Variants in PRKCG observed in about 807,000 individuals in gnomAD.
PRKCG encodes the protein protein kinase C gamma.
A neutral mutation model predicts 82.0 loss-of-function variants in PRKCG; 28 were observed. That is an observed-to-expected ratio of 0.34 (90% CI 0.25 to 0.47). The LOEUF (loss-of-function observed/expected upper bound fraction) is 0.47, where lower values mean the gene tolerates loss of function less well. Among genes scored for constraint, PRKCG ranks in the 20% least tolerant of loss-of-function variants. PRKCG has a pLI of 1.00. For missense variants in PRKCG, 640 were observed against 952.7 expected (o/e 0.67, Z 4.32); for synonymous variants, 383 against 376.6 (o/e 1.02, Z -0.20).
Position 53,907,441 on chromosome 19 carries a change from C to T in PRKCG, c.*546C>T, listed in dbSNP as rs1245593327. ...GGAGGATTCTTTCCCCAGAGGCTCC[C>T]AATCAGCTTTTGTTCTAGACTTCCC... On this transcript the variant is annotated 3_prime_UTR_variant, in exon 18 of 18. Transcript: ENST00000263431. 1.2e-5 allele frequency: 2 copies of T among 168,500 alleles called. No homozygotes were observed. The highest frequency in any genetic ancestry group is 4.8e-5 in the African/African-American group (2 of 41,702). 10.4% of individuals were successfully genotyped at this position (168,500 alleles called of 1,614,324 possible).
chr19:53,893,514 T>A, intron 9 of PRKCG, 123 bp downstream of exon 9: 1 of 1,073,444 alleles, frequency 9.3e-7, no homozygotes, highest in Non-Finnish European at 1.4e-6. Flanking sequence ...GTGCTAGGCC[T>A]GTCTTGTGCT....
rs2068756566 is a variant in PRKCG, at chr19:53,900,617, G to A, written c.1443G>A (p.Leu481=). 1 of 1,614,126 alleles carries A rather than the reference G, an allele frequency of 6.2e-7. No homozygotes were observed. The highest frequency in any genetic ancestry group is 8.5e-7 in the Non-Finnish European group (1 of 1,180,052). ...ACACCCCTGCATCGTCCAGGGACCT[G>A]AAGCTGGACAATGTGATGCTGGATG... ...LHNQGIIYRD[L]KLDNVMLDAE... Residue 481 remains leucine, a synonymous_variant, in exon 14 of 18, where the codon CTG becomes CTA. Coordinates refer to ENST00000263431, the MANE Select transcript of PRKCG (RefSeq NM_002739.5). This position sits in a 1 kb window ranked among gnomAD's most constrained non-coding sequence, Gnocchi z 4.2.
intron 3 of PRKCG, among the ~76,000 whole-genome samples, chr19:53,888,696 G>C (rs2068649555): frequency 1.3e-5 from 2 of 152,062 alleles, no homozygotes; most frequent in African/African-American, 4.8e-5. Flanking sequence ...TAGGCCTCCT[G>C]GGTTCCTATT....
At position 53,906,372 on chromosome 19, in the gene PRKCG, C is replaced by A; in HGVS notation, c.1820C>A (p.Thr607Asn). 6.4e-7 allele frequency: 1 copy of A among 1,556,674 alleles called. No individual in the cohort carries two copies. The highest frequency in any genetic ancestry group is 8.7e-7 in the Non-Finnish European group (1 of 1,149,526). The part of the protein sequence containing the change: ...RLGSGPDGEP[T>N]IRAHGFFRWI... ...GGCTCAGGGCCTGATGGGGAACCTA[C>A]CATCCGTGCACATGGCTTTTTCCGC... The change falls in exon 17 of 18, where the codon ACC becomes AAC. Residue 607 changes from threonine to asparagine, a missense_variant. This residue lies in a region of PRKCG where 198 missense variants were observed against 273.4 expected (regional missense o/e 0.72). Transcript: ENST00000263431.
intron 17 of PRKCG, 109 bp from the exon 18 acceptor site, chr19:53,906,598 G>A (rs2145889564): frequency 1.3e-6 from 2 of 1,551,266 alleles, no homozygotes; most frequent in Non-Finnish European, 8.9e-7. Context: ...ACACCATGAA[G>A]CATGAATAGA....
In PRKCG at chr19:53,889,589, G is replaced by T. The variant is rs1407291092; in HGVS notation, c.286-49G>T. On this transcript the variant is annotated intron_variant, in intron 3 of 17. Coordinates refer to ENST00000263431, the MANE Select transcript of PRKCG (RefSeq NM_002739.5). This position sits in a 1 kb window ranked among gnomAD's most constrained non-coding sequence, Gnocchi z 4.4. ...AAGATAAAAGGGCCCCTCCCCTGGG[G>T]TTTTAGGACCCTCCCAACGCCCCCT... The T allele has an allele frequency of 3.4e-6, 5 of 1,475,860 alleles. No homozygotes were observed. The highest frequency in any genetic ancestry group is 1.7e-5 in the Admixed American group (1 of 59,506). 91.4% of individuals were successfully genotyped at this position (1,475,860 alleles called of 1,614,324 possible).
intron 3 of PRKCG, among the ~76,000 whole-genome samples, chr19:53,886,952 T>C (rs965321024): frequency 6.6e-6 from 1 of 152,228 alleles, no homozygotes; most frequent in Non-Finnish European, 1.5e-5. Context: ...TTCTGACACA[T>C]AGCAAGAGCC....
At position 53,906,979 on chromosome 19, in the gene PRKCG, C is replaced by T; in HGVS notation, c.*84C>T. The T allele has an allele frequency of 6.3e-7, 1 of 1,592,568 alleles. No homozygotes were observed. On this transcript the variant is annotated 3_prime_UTR_variant, in exon 18 of 18. Transcript: ENST00000263431. The stretch of plus-strand genomic sequence containing the variant: ...CACTTCACCCCCAACTTCACCACCC[C>T]CTGTCCCATTCTAGATCCTGCACCC...
chr19:53,906,270 G>T (rs759082662), intron 16 of PRKCG, 47 bp from the exon 17 acceptor site: 3 of 1,549,350 alleles, frequency 1.9e-6, no homozygotes, highest in South Asian at 1.2e-5. Context: ...CTACCTGTCC[G>T]GCACTCTGTC....
At chr19:53,885,724 A>G (rs546228991) in intron 3 of PRKCG, among the ~76,000 whole-genome samples, 4 of 152,250 alleles carry the variant, frequency 2.6e-5, no homozygotes, top group South Asian at 2.1e-4. Flanking sequence ...ACAGAAGTCC[A>G]TGAGGCGTTT....
Position 53,882,453 on chromosome 19 carries a change from C to A in PRKCG, c.-42C>A. On this transcript the variant is annotated 5_prime_UTR_variant, in exon 1 of 18. Transcript: ENST00000263431. The surrounding 1 kb of genome is among the most constrained non-coding windows in gnomAD (Gnocchi z 6.1). ...TCCTCTCCCTTCCACCTGTTTCCCC[C>A]AAGAAAGGCAGGATCCTGGTCCCTG... 1.3e-6 allele frequency: 2 copies of A among 1,592,236 alleles called. No individual in the cohort carries two copies. The highest frequency in any genetic ancestry group is 1.1e-5 in the South Asian group (1 of 88,988).
intron 5 of PRKCG, among the ~76,000 whole-genome samples, chr19:53,890,823 C>T (rs928901057): frequency 6.6e-6 from 1 of 150,998 alleles, no homozygotes; most frequent in Non-Finnish European, 1.5e-5. Flanking sequence ...ATGATCTCAG[C>T]TCACTGCAAC....
chr19:53,890,246 T>C (rs1484475982), intron 5 of PRKCG, among the ~76,000 whole-genome samples: 1 of 152,102 alleles, frequency 6.6e-6, no homozygotes, highest in Non-Finnish European at 1.5e-5. Context: ...CTGCACCTGT[T>C]AATGACTTTG....
chr19:53,882,228 C>A lies in PRKCG; in HGVS notation c.-267C>A. On this transcript the variant is annotated 5_prime_UTR_variant, in exon 1 of 18. Coordinates refer to ENST00000263431, the MANE Select transcript of PRKCG (RefSeq NM_002739.5). The surrounding 1 kb of genome is among the most constrained non-coding windows in gnomAD (Gnocchi z 6.1). ...CAGCAGGTGCCGGAGCTGGAGCTCCCACCGCCGCCGCCCGTGCCTCCGGCT... is the reference window on the plus strand; with the variant it reads ...CAGCAGGTGCCGGAGCTGGAGCTCCAACCGCCGCCGCCCGTGCCTCCGGCT... The A allele has an allele frequency of 1.9e-6, 1 of 516,356 alleles. No individual in the cohort carries two copies. Among genetic ancestry groups the A allele is most frequent in the Non-Finnish European group, 3.5e-6 (1 of 283,064 alleles). 32.0% of individuals were successfully genotyped at this position (516,356 alleles called of 1,614,324 possible). A position where few individuals can be genotyped will look rare whatever the true frequency, so the allele number is the denominator to read the frequency against.
chr19:53,899,535 C>T (rs1276130867), intron 11 of PRKCG, among the ~76,000 whole-genome samples: 1 of 151,502 alleles, frequency 6.6e-6, no homozygotes, highest in African/African-American at 2.4e-5. Flanking sequence ...CCAGGGGCTC[C>T]GAATGAGAGT....
chr19:53,885,094 G>A (rs1011959032), intron 3 of PRKCG, among the ~76,000 whole-genome samples: 3 of 152,176 alleles, frequency 2.0e-5, no homozygotes, highest in East Asian at 1.9e-4. Context: ...TTACAGTGAC[G>A]GAAGCATTCT....
At chr19:53,904,789 C>A (rs2068789834) in intron 16 of PRKCG, 47 bp downstream of exon 16, 1 of 1,451,138 alleles carries the variant, frequency 6.9e-7, no homozygotes, top group Middle Eastern at 1.7e-4. Context: ...CAACCACACA[C>A]CCCATTGCTG....
At chr19:53,887,689 G>A (rs1452729544) in intron 3 of PRKCG, among the ~76,000 whole-genome samples, 2 of 150,784 alleles carry the variant, frequency 1.3e-5, no homozygotes, top group Non-Finnish European at 3.0e-5. Flanking sequence ...AATTAGCCAG[G>A]CACGGTGGCA....
intron 9 of PRKCG, among the ~76,000 whole-genome samples, chr19:53,894,737 G>GGCGT (rs2068705756): frequency 6.6e-6 from 1 of 152,234 alleles, no homozygotes; most frequent in South Asian, 2.1e-4. Flanking sequence ...TGAGATTAGA[G>GGCGT]GCGTGAGCGA....
Sources: allele counts gnomAD v4.1 joint callset (sites outside exome capture counted in the v4.1 genomes callset), GRCh38; gene constraint gnomAD v4.1.1; regional missense constraint gnomAD v4.1.1; non-coding constraint Gnocchi (gnomAD v3.1); transcripts MANE v1.5; gene names NCBI Gene and HGNC (gene_info 2026-07-23, HGNC 2026-07-21).